The following TYW1B variants were observed in gnomAD, a reference collection of about 807,000 sequenced individuals.
The protein encoded by TYW1B is tRNA-yW synthesizing protein 1 homolog B.
In TYW1B, 73 loss-of-function variants were observed where a neutral mutation model predicts 86.9. The observed-to-expected ratio is 0.84, with a 90% confidence interval of 0.70 to 1.02. The LOEUF (loss-of-function observed/expected upper bound fraction) is 1.02. TYW1B is among the 50% of genes least tolerant of loss of function. The pLI is 0.00. For synonymous variants in TYW1B, 248 were observed against 292.8 expected, an observed-to-expected ratio of 0.85 and a Z score of 1.56; for missense variants, 637 against 827.4, an observed-to-expected ratio of 0.77 and a Z score of 2.82.
intron 10 of TYW1B, among the ~76,000 whole-genome samples, chr7:72,705,741 A>T (rs532523094): frequency 2.6e-5 from 4 of 152,288 alleles, no homozygotes; most frequent in African/African-American, 9.6e-5. Context: ...ACAGGATTCA[A>T]ATGTCCACAA....
intron 2 of TYW1B, among the ~76,000 whole-genome samples, chr7:72,820,965 C>G (rs1442254909): frequency 1.3e-5 from 2 of 152,040 alleles, no homozygotes; most frequent in African/African-American, 4.8e-5. Flanking sequence ...AATTCGCACA[C>G]TTAGATTTTT....
chr7:72,616,177 C>T (rs573570146), intron 13 of TYW1B, among the ~76,000 whole-genome samples: 1 of 152,184 alleles, frequency 6.6e-6, no homozygotes, highest in East Asian at 1.9e-4. Context: ...GATTCATATA[C>T]TTGTTCTATC....
chr7:72,720,922 C>T (rs1360072533), intron 9 of TYW1B, among the ~76,000 whole-genome samples: 1 of 147,456 alleles, frequency 6.8e-6, no homozygotes, highest in Non-Finnish European at 1.5e-5. Flanking sequence ...TGACAGGCCC[C>T]GATGTGTGAT....
chr7:72,685,001 A>T (rs1384818104), intron 11 of TYW1B, among the ~76,000 whole-genome samples: 7 of 152,036 alleles, frequency 4.6e-5, no homozygotes, highest in African/African-American at 9.7e-5. Context: ...AATCCCTGCT[A>T]CTTGGGAGGC....
intron 8 of TYW1B, among the ~76,000 whole-genome samples, chr7:72,730,930 CAA>C (rs71071907): frequency 0.048 from 5,364 of 112,340 alleles, 289 homozygotes; most frequent in African/African-American, 0.16. Flanking sequence ...GATTAAATGC[CAA>C]AAAAAAAAAA....
intron 11 of TYW1B, among the ~76,000 whole-genome samples, chr7:72,667,413 G>T (rs1554445509): frequency 1.3e-5 from 2 of 152,098 alleles, no homozygotes; most frequent in African/African-American, 4.8e-5. Context: ...AGGAAGTTTG[G>T]ATATTAAAAA....
intron 11 of TYW1B, among the ~76,000 whole-genome samples, chr7:72,660,864 C>G (rs1230911264): frequency 2.0e-5 from 3 of 152,020 alleles, no homozygotes; most frequent in African/African-American, 7.2e-5. Context: ...GAGCCAGGCA[C>G]AGTGGCTCAT....
chr7:72,697,021 G>A (rs1473298334), intron 10 of TYW1B, among the ~76,000 whole-genome samples: 34 of 141,134 alleles, frequency 2.4e-4, no homozygotes, highest in Non-Finnish European at 3.7e-4. Context: ...TCCTTAACTG[G>A]ATTTCTACTT....
Position 72,694,671 on chromosome 7 carries a change from A to G in TYW1B, c.1506+16T>C, listed in dbSNP as rs782713385. 3 of 1,589,728 alleles carry G rather than the reference A, an allele frequency of 1.9e-6. No individual in the cohort carries two copies. The highest frequency in any genetic ancestry group is 1.4e-5 in the African/African-American group (1 of 72,972). ...TGAGGGTTGTTTATTTATTTTTAAG[A>G]TGTCATAATTCTTACCTTGACTGCC... On this transcript the variant is annotated intron_variant, in intron 11 of 13. Coordinates refer to ENST00000620995, the MANE Select transcript of TYW1B (RefSeq NM_001145440.3).
intron 9 of TYW1B, among the ~76,000 whole-genome samples, chr7:72,717,218 T>C (rs1224162381): frequency 1.3e-5 from 2 of 151,700 alleles, no homozygotes; most frequent in Non-Finnish European, 2.9e-5. Flanking sequence ...GAAGAATCAC[T>C]TGAACCCTGG....
chr7:72,721,628 A>G (rs1195609998), intron 9 of TYW1B, among the ~76,000 whole-genome samples: 2 of 151,994 alleles, frequency 1.3e-5, no homozygotes, highest in Non-Finnish European at 2.9e-5. Flanking sequence ...ACACATGCAC[A>G]CACACACACG....
chr7:72,665,477 T>G (rs1269454055), intron 11 of TYW1B, among the ~76,000 whole-genome samples: 2 of 152,228 alleles, frequency 1.3e-5, no homozygotes, highest in East Asian at 3.8e-4. Flanking sequence ...CTGGGGATGT[T>G]ATATGCAGCT....
At chr7:72,715,077 C>T (rs1786752680) in intron 9 of TYW1B, among the ~76,000 whole-genome samples, 1 of 152,254 alleles carries the variant, frequency 6.6e-6, no homozygotes, top group African/African-American at 2.4e-5. Flanking sequence ...GGGGCCCAAC[C>T]TGTCTGCACA....
At chr7:72,767,262 G>C (rs1270626084) in intron 7 of TYW1B, among the ~76,000 whole-genome samples, 1 of 152,136 alleles carries the variant, frequency 6.6e-6, no homozygotes, top group Non-Finnish European at 1.5e-5. Flanking sequence ...TGCAGCCAAG[G>C]ATAATTATTT....
At chr7:72,766,613 C>CAAAA (rs56738770) in intron 7 of TYW1B, among the ~76,000 whole-genome samples, 23 of 82,864 alleles carry the variant, frequency 2.8e-4, no homozygotes, top group South Asian at 5.0e-4. Flanking sequence ...GATTCAGTCT[C>CAAAA]AAAAAAAAAA....
At chr7:72,808,156 G>T (rs868916975) in intron 4 of TYW1B, among the ~76,000 whole-genome samples, 8 of 151,866 alleles carry the variant, frequency 5.3e-5, no homozygotes, top group African/African-American at 1.7e-4. Context: ...TAATTTATTT[G>T]AAAATATGGG....
chr7:72,649,466 C>T (rs1189947504), intron 11 of TYW1B, among the ~76,000 whole-genome samples: 1 of 152,090 alleles, frequency 6.6e-6, no homozygotes, highest in Non-Finnish European at 1.5e-5. Context: ...TTGCCTAAAC[C>T]AGGATGTCAT....
intron 6 of TYW1B, among the ~76,000 whole-genome samples, chr7:72,787,781 AAAAGT>A (rs1344804524): frequency 8.1e-6 from 1 of 124,038 alleles, no homozygotes; most frequent in African/African-American, 2.8e-5. Flanking sequence ...AAAAAAAAGA[AAAAGT>A]AATTAAAAAA....
chr7:72,603,731 A>T (rs1225665164), intron 13 of TYW1B, among the ~76,000 whole-genome samples: 1 of 104,388 alleles, frequency 9.6e-6, no homozygotes, highest in Non-Finnish European at 2.2e-5. Flanking sequence ...TGATGTGATG[A>T]AAACGGCACT....
Sources: gnomAD v4.1 joint callset for allele counts (sites outside exome capture counted in the v4.1 genomes callset) on GRCh38, gnomAD v4.1.1 for gene constraint, MANE v1.5 for transcripts, NCBI Gene and HGNC (gene_info 2026-07-23, HGNC 2026-07-21) for gene names.